NTNG1: variants seen among roughly 807,000 people sequenced by gnomAD.
NTNG1 encodes netrin G1, also known as netrin-G1.
NTNG1 carries 16 observed loss-of-function variants against 54.0 expected under a neutral mutation model. The ratio of observed to expected loss-of-function variants is 0.30; its 90% CI spans 0.20 to 0.45. The LOEUF is 0.45. NTNG1 is among the 20% of genes least tolerant of loss of function. The pLI, the probability that NTNG1 is intolerant of heterozygous loss-of-function variation, is 1.00. For synonymous variants in NTNG1, 255 were observed against 263.1 expected, an observed-to-expected ratio of 0.97 and a Z score of 0.30; for missense variants, 530 against 678.7, an observed-to-expected ratio of 0.78 and a Z score of 2.43.
chr1:107,247,707 C>G (rs1332413778), intron 2 of NTNG1, among the ~76,000 whole-genome samples: 2 of 152,130 alleles, frequency 1.3e-5, no homozygotes, highest in Non-Finnish European at 2.9e-5. Flanking sequence ...AGGAGAAGAT[C>G]TCATTTACTC....
chr1:107,226,757 T>A (rs1660717786), intron 2 of NTNG1, among the ~76,000 whole-genome samples: 1 of 152,042 alleles, frequency 6.6e-6, no homozygotes, highest in South Asian at 2.1e-4. Context: ...ATGTACAGAG[T>A]CTCACCAGAT....
At chr1:107,232,275 G>A (rs1036798979) in intron 2 of NTNG1, among the ~76,000 whole-genome samples, 7 of 152,142 alleles carry the variant, frequency 4.6e-5, no homozygotes, top group African/African-American at 1.4e-4. Context: ...GTTTTTATAG[G>A]TGAAATATTC....
At chr1:107,462,525 T>A (rs1352392059) in intron 7 of NTNG1, among the ~76,000 whole-genome samples, 2 of 152,208 alleles carry the variant, frequency 1.3e-5, no homozygotes, top group Admixed American at 6.5e-5. Flanking sequence ...AGATGTTCGC[T>A]TTTGTTACTA....
intron 2 of NTNG1, among the ~76,000 whole-genome samples, chr1:107,225,219 G>C (rs1276509609): frequency 2.0e-5 from 3 of 152,056 alleles, no homozygotes; most frequent in African/African-American, 4.8e-5. Context: ...CACAGTTAAG[G>C]ACTTTGGATA....
chr1:107,407,686 C>T lies in NTNG1; in HGVS notation c.1065C>T (p.Ile355=), dbSNP rs761107256. ...TATTGTTTTCTTTTTCTCCAGGTAT[C>T]CCCAGTATTTCCAGTATTGGTAGTA... is the stretch of plus-strand genomic sequence containing the variant. The part of the protein sequence containing the change: ...PIPKGTANTC[I]PSISSIGNCE... The change falls in exon 5 of 8, where the codon ATC becomes ATT. Residue 355 remains isoleucine, a synonymous_variant. Coordinates refer to ENST00000370068, the MANE Select transcript of NTNG1 (RefSeq NM_001113226.3). 1 of 1,606,162 alleles carries T rather than the reference C, an allele frequency of 6.2e-7. No individual in the cohort carries two copies. The highest frequency in any genetic ancestry group is 1.3e-5 in the African/African-American group (1 of 74,436).
At chr1:107,215,966 G>A (rs564222028) in intron 2 of NTNG1, among the ~76,000 whole-genome samples, 1 of 152,162 alleles carries the variant, frequency 6.6e-6, no homozygotes, top group South Asian at 2.1e-4. Flanking sequence ...TTGGTGTATA[G>A]CACGGCTACT....
At chr1:107,449,432 T>A (rs1041547980) in intron 7 of NTNG1, among the ~76,000 whole-genome samples, 1 of 151,964 alleles carries the variant, frequency 6.6e-6, no homozygotes, top group Non-Finnish European at 1.5e-5. Context: ...CAATTATACA[T>A]TTTCGGAGAG....
At chr1:107,363,906 A>G (rs1372777580) in intron 3 of NTNG1, among the ~76,000 whole-genome samples, 1 of 152,134 alleles carries the variant, frequency 6.6e-6, no homozygotes, top group Non-Finnish European at 1.5e-5. Flanking sequence ...TGTTTTGATC[A>G]GTTATTTTGT....
chr1:107,267,490 G>T (rs896774693), intron 2 of NTNG1, among the ~76,000 whole-genome samples: 4 of 152,114 alleles, frequency 2.6e-5, no homozygotes, highest in Non-Finnish European at 5.9e-5. Context: ...AGCTTGTCCC[G>T]TACCCTCATG....
intron 2 of NTNG1, among the ~76,000 whole-genome samples, chr1:107,280,958 G>A (rs562671396): frequency 2.3e-4 from 35 of 151,870 alleles, no homozygotes; most frequent in Non-Finnish European, 4.3e-4. Context: ...AATGGAAATG[G>A]AAGGGCAATT....
chr1:107,293,892 T>G (rs960292918), intron 2 of NTNG1, among the ~76,000 whole-genome samples: 3 of 152,108 alleles, frequency 2.0e-5, no homozygotes, highest in African/African-American at 7.2e-5. Context: ...TAAGTGATTT[T>G]TTTTCTTGTG....
intron 2 of NTNG1, among the ~76,000 whole-genome samples, chr1:107,261,378 A>G (rs905266968): frequency 1.3e-5 from 2 of 152,180 alleles, no homozygotes; most frequent in Non-Finnish European, 2.9e-5. Flanking sequence ...CAATTTGATA[A>G]CAATAAGGGA....
chr1:107,395,007 G>A, intron 3 of NTNG1, 147 bp from the exon 4 acceptor site: 1 of 681,660 alleles, frequency 1.5e-6, no homozygotes, highest in Non-Finnish European at 2.6e-6. Context: ...AAGATTCTGA[G>A]GGCTGGGCCT....
In NTNG1 at chr1:107,310,867, T is replaced by TA. The variant is rs923719325; in HGVS notation, c.247-13405dup. On this transcript the variant is annotated intron_variant, in intron 2 of 7. Coordinates refer to ENST00000370068, the MANE Select transcript of NTNG1 (RefSeq NM_001113226.3). ...CCTCTTCAGTTCTGAGGGCCTTCTT[T>TA]AAAAAAAAAATAAATCCAAGACTAG... Among the ~76,000 whole-genome samples the TA allele has an allele frequency of 2.7e-3, 409 of 150,966 alleles. 3 individuals are homozygous for TA. The highest frequency in any genetic ancestry group is 9.2e-3 in the African/African-American group (377 of 40,964).
intron 4 of NTNG1, among the ~76,000 whole-genome samples, chr1:107,404,025 G>A (rs1218270098): frequency 6.6e-6 from 1 of 150,744 alleles, no homozygotes; most frequent in Admixed American, 6.6e-5. Context: ...TTCCAGAGAT[G>A]GAGTTAAGCT....
chr1:107,472,398 G>T (rs926147787), intron 7 of NTNG1, among the ~76,000 whole-genome samples: 21 of 152,232 alleles, frequency 1.4e-4, no homozygotes, highest in Non-Finnish European at 2.8e-4. Flanking sequence ...TAGAAATACC[G>T]ACTTCAAACC....
chr1:107,141,676 A>C (rs1272940046), intron 1 of NTNG1, among the ~76,000 whole-genome samples: 1 of 151,824 alleles, frequency 6.6e-6, no homozygotes, highest in Non-Finnish European at 1.5e-5. Flanking sequence ...GCTCACACCC[A>C]CACACAAGTC....
chr1:107,271,192 T>C (rs527318896), intron 2 of NTNG1, among the ~76,000 whole-genome samples: 1 of 152,336 alleles, frequency 6.6e-6, no homozygotes, highest in South Asian at 2.1e-4. Context: ...TAATTGATAT[T>C]GTAAGAATTT....
intron 5 of NTNG1, among the ~76,000 whole-genome samples, chr1:107,411,730 C>T (rs1259471632): frequency 1.3e-5 from 2 of 152,056 alleles, no homozygotes; most frequent in African/African-American, 4.8e-5. Context: ...GCATGGTGTG[C>T]TACATTAATT....
Sources: allele counts gnomAD v4.1 joint callset (sites outside exome capture counted in the v4.1 genomes callset), GRCh38; gene constraint gnomAD v4.1.1; transcripts MANE v1.5; gene names NCBI Gene and HGNC (gene_info 2026-07-23, HGNC 2026-07-21).